Variants in SHROOM3 observed in about 807,000 individuals in gnomAD.
SHROOM3 encodes the protein shroom family member 3.
Under a neutral mutation model 138.6 loss-of-function variants are expected in SHROOM3, and 47 were observed. That is an observed-to-expected ratio of 0.34 (90% CI 0.27 to 0.43). SHROOM3 has a LOEUF of 0.43. SHROOM3 is among the 20% of genes least tolerant of loss of function. The pLI, the probability that SHROOM3 is intolerant of heterozygous loss-of-function variation, is 1.00. For synonymous variants in SHROOM3, 1,062 were observed against 1,063.3 expected (o/e 1.00, Z 0.02); for missense variants, 2,491 against 2,596.5 (o/e 0.96, Z 0.88).
intron 2 of SHROOM3, among the ~76,000 whole-genome samples, chr4:76,685,307 G>C (rs1719304698): frequency 6.6e-6 from 1 of 151,776 alleles, no homozygotes; most frequent in Admixed American, 6.6e-5. Flanking sequence ...CACACTGGAA[G>C]AAGAAGAATT....
chr4:76,518,195 C>A (rs1732482377), intron 1 of SHROOM3, among the ~76,000 whole-genome samples: 1 of 152,064 alleles, frequency 6.6e-6, no homozygotes, highest in African/African-American at 2.4e-5. Flanking sequence ...ATTATCTCAA[C>A]TTCTGATAAA....
intron 2 of SHROOM3, among the ~76,000 whole-genome samples, chr4:76,687,360 A>G (rs1438314403): frequency 6.6e-6 from 1 of 152,226 alleles, no homozygotes; most frequent in Non-Finnish European, 1.5e-5. Flanking sequence ...TTATTTCTGA[A>G]AGCAGTCTTA....
intron 1 of SHROOM3, among the ~76,000 whole-genome samples, chr4:76,458,705 C>G (rs1731083042): frequency 6.6e-6 from 1 of 152,200 alleles, no homozygotes; most frequent in Non-Finnish European, 1.5e-5. Flanking sequence ...ATACAATTAT[C>G]CTGTCACACA....
At chr4:76,688,690 C>G in intron 2 of SHROOM3, 3 of 985,366 alleles carry the variant, frequency 3.0e-6, no homozygotes, top group Middle Eastern at 5.2e-4. Flanking sequence ...TAACTGGACG[C>G]CTATATCATA....
At chr4:76,572,164 A>G (rs1357122931) in intron 2 of SHROOM3, among the ~76,000 whole-genome samples, 2 of 152,206 alleles carry the variant, frequency 1.3e-5, no homozygotes, top group East Asian at 1.9e-4. Context: ...CTAATCTTTG[A>G]CATGGCTAAG....
At chr4:76,765,117 T>C (rs79121232) in intron 9 of SHROOM3, among the ~76,000 whole-genome samples, 3,235 of 152,060 alleles carry the variant, frequency 0.021, 134 homozygotes, top group African/African-American at 0.074. Flanking sequence ...AGTGATTTTT[T>C]TTTTTTTTAA....
intron 2 of SHROOM3, among the ~76,000 whole-genome samples, chr4:76,667,903 G>A (rs968240574): frequency 2.4e-4 from 35 of 143,166 alleles, no homozygotes; most frequent in Non-Finnish European, 1.0e-4. Flanking sequence ...GGGAGGCGGA[G>A]GTTGCAGTGA....
Position 76,740,563 on chromosome 4 carries a change from G to C in SHROOM3, c.2390G>C (p.Arg797Thr). The C allele has an allele frequency of 1.2e-6, 2 of 1,614,154 alleles. No individual in the cohort carries two copies. Among genetic ancestry groups the C allele is most frequent in the Non-Finnish European group, 1.7e-6 (2 of 1,180,026 alleles). The change falls in exon 5 of 11, where the codon AGA (arginine) becomes ACA (threonine). Residue 797 changes from arginine (R) to threonine (T), a missense_variant. By Grantham distance (71) the Arg-to-Thr change is moderately conservative. Coordinates refer to ENST00000296043, the MANE Select transcript of SHROOM3 (RefSeq NM_020859.4). This position sits in a 1 kb window ranked among gnomAD's most constrained non-coding sequence, Gnocchi z 4.0. ...GAGCAGCGAGAGCAAGGGAGCCAGAGACCGAGTGTGGGCGGCTCTGGTTTT... is the reference window on the plus strand; with the variant it reads ...GAGCAGCGAGAGCAAGGGAGCCAGACACCGAGTGTGGGCGGCTCTGGTTTT... The part of the protein sequence containing the change: ...KFEQREQGSQ[R>T]PSVGGSGFGH...
intron 9 of SHROOM3, among the ~76,000 whole-genome samples, chr4:76,765,667 G>A (rs1378523101): frequency 6.6e-6 from 1 of 152,128 alleles, no homozygotes; most frequent in Non-Finnish European, 1.5e-5. Context: ...AGGGGAAGGA[G>A]TATTCCCCCT....
intron 3 of SHROOM3, among the ~76,000 whole-genome samples, chr4:76,724,208 A>T (rs367589785): frequency 3.3e-5 from 5 of 152,230 alleles, no homozygotes; most frequent in Non-Finnish European, 5.9e-5. Flanking sequence ...CTTTGTTTGA[A>T]TTACACCCAC....
chr4:76,453,520 T>A (rs1171379016), intron 1 of SHROOM3, among the ~76,000 whole-genome samples: 1 of 152,050 alleles, frequency 6.6e-6, no homozygotes, highest in African/African-American at 2.4e-5. Flanking sequence ...CTTTAAGTAA[T>A]CCTCCCAAAG....
chr4:76,775,516 A>G (rs572337865), intron 10 of SHROOM3, among the ~76,000 whole-genome samples: 4 of 152,240 alleles, frequency 2.6e-5, no homozygotes, highest in South Asian at 4.2e-4. Context: ...AAGTACATCT[A>G]TCATTTGATC....
chr4:76,495,941 G>A (rs1220772377), intron 1 of SHROOM3, among the ~76,000 whole-genome samples: 7 of 152,324 alleles, frequency 4.6e-5, no homozygotes, highest in Admixed American at 3.3e-4. Context: ...AACCAGGCAC[G>A]ACAAGAAAGG....
intron 1 of SHROOM3, among the ~76,000 whole-genome samples, chr4:76,445,645 T>C (rs974974493): frequency 6.6e-6 from 1 of 152,146 alleles, no homozygotes; most frequent in Non-Finnish European, 1.5e-5. Flanking sequence ...AAAGGTAGGC[T>C]GAGGTCAGAT....
At chr4:76,670,518 C>T (rs991138259) in intron 2 of SHROOM3, among the ~76,000 whole-genome samples, 1 of 151,998 alleles carries the variant, frequency 6.6e-6, no homozygotes, top group Non-Finnish European at 1.5e-5. Context: ...TTGCAAAACT[C>T]TATCCATTTA....
At chr4:76,571,382 T>C (rs1322938930) in intron 2 of SHROOM3, among the ~76,000 whole-genome samples, 1 of 152,062 alleles carries the variant, frequency 6.6e-6, no homozygotes, top group East Asian at 1.9e-4. Flanking sequence ...AGAAGAGGAG[T>C]TGGGCTTGGC....
At chr4:76,711,348 T>A (rs1720222717) in intron 3 of SHROOM3, among the ~76,000 whole-genome samples, 1 of 152,240 alleles carries the variant, frequency 6.6e-6, no homozygotes, top group Admixed American at 6.5e-5. Context: ...CTGTGCCTAC[T>A]ATGTCATGAG....
rs528589857 is a variant in SHROOM3 at position 76,550,576 on chromosome 4, A to G, written c.169-5033A>G. On this transcript the variant is annotated intron_variant, in intron 1 of 10. Coordinates refer to ENST00000296043, the MANE Select transcript of SHROOM3 (RefSeq NM_020859.4). Reference sequence around the variant, plus strand: ...ATCACTGTTGAAGAAAGCTTCTAAAAATCTTCTTTGGTAATAATTAAAACC... The same window carrying G: ...ATCACTGTTGAAGAAAGCTTCTAAAGATCTTCTTTGGTAATAATTAAAACC... 3.9e-5 allele frequency among the ~76,000 whole-genome samples: 6 copies of G among 152,290 alleles called. No individual in the cohort carries two copies. In the East Asian group the frequency reaches 1.2e-3, roughly 29 times the overall value.
chr4:76,670,610 A>G (rs2110097779), intron 2 of SHROOM3, among the ~76,000 whole-genome samples: 1 of 152,364 alleles, frequency 6.6e-6, no homozygotes, highest in African/African-American at 2.4e-5. Flanking sequence ...TATTGAATCA[A>G]ACAGATTTAT....
Sources: allele counts gnomAD v4.1 joint callset (sites outside exome capture counted in the v4.1 genomes callset), GRCh38; gene constraint gnomAD v4.1.1; non-coding constraint Gnocchi (gnomAD v3.1); transcripts MANE v1.5; gene names NCBI Gene and HGNC (gene_info 2026-07-23, HGNC 2026-07-21).